The following CCDC28A variants were observed in gnomAD, a reference collection of about 807,000 sequenced individuals.
CCDC28A encodes the protein coiled-coil domain-containing protein 28A.
Under a neutral mutation model 22.1 loss-of-function variants are expected in CCDC28A, and 24 were observed. The observed-to-expected ratio is 1.09, with a 90% CI of 0.79 to 1.53. The LOEUF (loss-of-function observed/expected upper bound fraction) is 1.53. CCDC28A is among the 40% of genes most tolerant of loss of function. CCDC28A has a pLI of 0.00. For missense variants in CCDC28A, 170 were observed against 210.7 expected (o/e 0.81, Z 1.20); for synonymous variants, 83 against 74.7 (o/e 1.11, Z -0.57).
intron 3 of CCDC28A, among the ~76,000 whole-genome samples, chr6:138,784,546 G>C (rs1023112430): frequency 1.3e-5 from 2 of 151,568 alleles, no homozygotes; most frequent in Admixed American, 6.6e-5. Context: ...TTTTTTTGTA[G>C]GGGTAGGGTC....
chr6:138,787,328 C>A (rs563601575), intron 4 of CCDC28A, among the ~76,000 whole-genome samples: 3 of 152,118 alleles, frequency 2.0e-5, no homozygotes, highest in Non-Finnish European at 4.4e-5. Context: ...GAAAGCCCTC[C>A]TGTTTCATGA....
At chr6:138,776,374 T>A in intron 2 of CCDC28A, 96 bp downstream of exon 2, 1 of 1,028,748 alleles carries the variant, frequency 9.7e-7, no homozygotes, top group Non-Finnish European at 1.5e-6. Context: ...TTGGCTTGAC[T>A]TTTAAAACAG....
Position 138,773,862 on chromosome 6 carries a change from TGCG to T in CCDC28A, c.-81_-79del, listed in dbSNP as rs759294849. On this transcript the variant is annotated 5_prime_UTR_variant, in exon 1 of 6. Transcript: ENST00000617445. ...GTGGCTTCTGAGGCTGTCGGGTCTT[TGCG>T]GGTTGCGGAAGGGGGCCCCAATACC... The T allele has an allele frequency of 9.3e-6, 15 of 1,613,900 alleles. No individual in the cohort carries two copies. The South Asian group carries it at 1.6e-4, about 18-fold the overall frequency.
In CCDC28A at chr6:138,786,059, A is replaced by T. The variant is rs11155001; in HGVS notation, c.477+678A>T. ...TTTAACAACAGAAATTTATTTTCCC[A>T]CAATTCCGGAGGCTAAAGTTGGAGC... On this transcript the variant is annotated intron_variant, in intron 4 of 5. Transcript: ENST00000617445. Among the ~76,000 whole-genome samples, 8 of 152,166 alleles carry T rather than the reference A, an allele frequency of 5.3e-5. No homozygotes were observed. In the East Asian group the frequency reaches 1.4e-3, roughly 26 times the overall value.
intron 5 of CCDC28A, among the ~76,000 whole-genome samples, 180 bp downstream of exon 5, chr6:138,788,568 C>T (rs879228490): frequency 1.7e-3 from 154 of 92,956 alleles, no homozygotes; most frequent in African/African-American, 4.5e-3. Context: ...TTTTTCTTTT[C>T]TTTTTTTTTT....
At chr6:138,778,524 G>C (rs1197062278) in intron 2 of CCDC28A, among the ~76,000 whole-genome samples, 1 of 152,092 alleles carries the variant, frequency 6.6e-6, no homozygotes, top group Non-Finnish European at 1.5e-5. Flanking sequence ...TTTAGGCTAG[G>C]GGTTCCAAAA....
In CCDC28A at chr6:138,792,965, C is replaced by A. The variant is rs545413569; in HGVS notation, c.*162C>A. 2.5e-5 allele frequency: 15 copies of A among 604,930 alleles called. No homozygotes were observed. Among genetic ancestry groups the A allele is most frequent in the Non-Finnish European group, 4.1e-5 (14 of 338,586 alleles). The allele number at this position is 604,930 out of a possible 1,614,324, so 37.5% of individuals were successfully genotyped here. ...CTTACTGCTTTTAGTAAATGTGACT[C>A]GCTGTAATTCACCATAACTGGAGGC... On this transcript the variant is annotated 3_prime_UTR_variant, in exon 6 of 6. Coordinates refer to ENST00000617445, the MANE Select transcript of CCDC28A (RefSeq NM_015439.3).
chr6:138,786,646 A>C (rs1775096621), intron 4 of CCDC28A, among the ~76,000 whole-genome samples: 1 of 152,048 alleles, frequency 6.6e-6, no homozygotes, highest in South Asian at 2.1e-4. Flanking sequence ...ACAGGGACTC[A>C]CTTTGTCACC....
intron 4 of CCDC28A, among the ~76,000 whole-genome samples, 158 bp from the exon 5 acceptor site, chr6:138,788,208 G>T (rs969557158): frequency 1.3e-5 from 2 of 151,842 alleles, no homozygotes; most frequent in African/African-American, 4.8e-5. Context: ...CAGTTCTCCC[G>T]CCTTGGCATC....
At chr6:138,785,456 T>A in intron 4 of CCDC28A, 75 bp downstream of exon 4, 1 of 1,095,304 alleles carries the variant, frequency 9.1e-7, no homozygotes, top group Non-Finnish European at 1.4e-6. Flanking sequence ...TGAACTATTT[T>A]AATGTATACA....
chr6:138,774,547 G>A (rs1267607657), intron 1 of CCDC28A, among the ~76,000 whole-genome samples: 2 of 152,250 alleles, frequency 1.3e-5, no homozygotes, highest in Admixed American at 6.5e-5. Context: ...TGGTATCTGG[G>A]ATTAGAGACT....
In CCDC28A at chr6:138,781,997, T is replaced by C. The variant is rs935402475; in HGVS notation, c.322+2012T>C. On this transcript the variant is annotated intron_variant, in intron 3 of 5. Transcript: ENST00000617445. The stretch of plus-strand genomic sequence containing the variant: ...GATTATTTATTTCACAAAAATACTT[T>C]ATTGTACCCCTACCTCCTTGCTTTA... 3.3e-5 allele frequency among the ~76,000 whole-genome samples: 5 copies of C among 152,244 alleles called. No homozygotes were observed. The East Asian group carries it at 9.6e-4, about 29-fold the overall frequency.
At chr6:138,785,410 T>TA (rs770315275) in intron 4 of CCDC28A, 29 bp downstream of exon 4, 55 of 1,542,242 alleles carry the variant, frequency 3.6e-5, no homozygotes, top group Non-Finnish European at 4.6e-5. Context: ...CTTTGTTCTT[T>TA]AAAAAAAAAT....
intron 3 of CCDC28A, 25 bp downstream of exon 3, chr6:138,780,010 A>AT (rs1343870752): frequency 4.5e-6 from 7 of 1,551,456 alleles, no homozygotes; most frequent in South Asian, 2.4e-5. Flanking sequence ...TTTCTGTATT[A>AT]TTTTTTTCTC....
rs765233876 is a variant in CCDC28A at position 138,791,271 on chromosome 6, G to A, written c.501-1478G>A. ...ATTTTTTTTTTTGTTTTTAGATAAC[G>A]GGGTCTTGCTATGTTGCCCAGATTG... On this transcript the variant is annotated intron_variant, in intron 5 of 5. Coordinates refer to ENST00000617445, the MANE Select transcript of CCDC28A (RefSeq NM_015439.3). Among the ~76,000 whole-genome samples, 6 of 151,598 alleles carry A rather than the reference G, an allele frequency of 4.0e-5. No individual in the cohort carries two copies. The South Asian group carries it at 6.2e-4, about 16-fold the overall frequency.
Position 138,779,905 on chromosome 6 carries a change from A to G in CCDC28A, c.242A>G (p.Asp81Gly), listed in dbSNP as rs1331692104. Residue 81 changes from aspartate (D) to glycine (G), a missense_variant, in exon 3 of 6, where the codon GAT (aspartate) becomes GGT (glycine). Physicochemically the swap from Asp to Gly is moderately conservative, Grantham distance 94. Transcript: ENST00000617445. ...STPIQHSFLT[D>G]VSDVQEMERG... is the part of the protein sequence containing the mutation. ...CCGATCCAGCACTCCTTCCTCACTG[A>G]TGTCTCAGATGTTCAGGAGATGGAG... 1 of 1,613,764 alleles carries G rather than the reference A, an allele frequency of 6.2e-7. No homozygotes were observed. The highest frequency in any genetic ancestry group is 8.5e-7 in the Non-Finnish European group (1 of 1,179,650).
At chr6:138,783,391 C>T (rs553514181) in intron 3 of CCDC28A, among the ~76,000 whole-genome samples, 1 of 150,266 alleles carries the variant, frequency 6.7e-6, no homozygotes, top group South Asian at 2.1e-4. Flanking sequence ...ACCTCAGCCT[C>T]CCAAGTAGCT....
At chr6:138,778,090 C>T (rs1024858952) in intron 2 of CCDC28A, among the ~76,000 whole-genome samples, 2 of 152,054 alleles carry the variant, frequency 1.3e-5, no homozygotes, top group Admixed American at 6.6e-5. Flanking sequence ...CTGTTATTGA[C>T]CTACTGTCAA....
intron 2 of CCDC28A, among the ~76,000 whole-genome samples, chr6:138,778,240 A>G (rs1025240115): frequency 2.0e-5 from 3 of 152,176 alleles, no homozygotes; most frequent in African/African-American, 7.2e-5. Context: ...TTCATTCAAC[A>G]TTATGTTAAA....
Sources: gnomAD v4.1 joint callset for allele counts (sites outside exome capture counted in the v4.1 genomes callset) on GRCh38, gnomAD v4.1.1 for gene constraint, MANE v1.5 for transcripts, NCBI Gene and HGNC (gene_info 2026-07-23, HGNC 2026-07-21) for gene names.